The following CDH13 variants were observed in gnomAD, a reference collection of about 807,000 sequenced individuals.
The protein encoded by CDH13 is cadherin 13.
Under a neutral mutation model 63.8 loss-of-function variants are expected in CDH13, and 24 were observed. The ratio of observed to expected loss-of-function variants is 0.38; its 90% CI spans 0.27 to 0.53. CDH13 has a LOEUF of 0.53. Among genes scored for constraint, CDH13 ranks in the 20% least tolerant of loss-of-function variants. CDH13 has a pLI of 0.85. For synonymous variants in CDH13, 503 were observed against 355.3 expected (o/e 1.42, Z -4.67); for missense variants, 1,049 against 903.1 (o/e 1.16, Z -2.07).
chr16:82,693,212 T>A (rs1387681439), intron 1 of CDH13, among the ~76,000 whole-genome samples: 1 of 152,206 alleles, frequency 6.6e-6, no homozygotes, highest in Non-Finnish European at 1.5e-5. Context: ...TGAAGCACCT[T>A]GAAGCAGAGA....
chr16:83,213,533 AG>A (rs1447116365), intron 4 of CDH13, among the ~76,000 whole-genome samples: 2 of 152,130 alleles, frequency 1.3e-5, no homozygotes, highest in Non-Finnish European at 2.9e-5. Flanking sequence ...GGTCTTCACC[AG>A]CGGGGCCTGT....
intron 6 of CDH13, among the ~76,000 whole-genome samples, chr16:83,386,824 T>G (rs1232713613): frequency 6.6e-6 from 1 of 152,214 alleles, no homozygotes; most frequent in Non-Finnish European, 1.5e-5. Context: ...GTGATTCTCT[T>G]AGCCTTTTCT....
chr16:83,513,635 T>A (rs1018093032), intron 7 of CDH13, among the ~76,000 whole-genome samples: 1 of 152,098 alleles, frequency 6.6e-6, no homozygotes, highest in Non-Finnish European at 1.5e-5. Flanking sequence ...GGATAGCCCC[T>A]TATAAAACCG....
intron 4 of CDH13, among the ~76,000 whole-genome samples, chr16:83,190,520 C>G (rs1296646513): frequency 6.6e-6 from 1 of 152,122 alleles, no homozygotes; most frequent in Admixed American, 6.5e-5. Context: ...CCCTATGCCC[C>G]CATACTGTTC....
chr16:83,786,294 T>C (rs692612), intron 13 of CDH13, among the ~76,000 whole-genome samples: 109,132 of 152,040 alleles, frequency 0.72, 39,877 homozygotes, highest in South Asian at 0.79. Flanking sequence ...TGCCACTGTG[T>C]GATAAGAGCA....
At chr16:83,718,606 G>C (rs969439513) in intron 10 of CDH13, among the ~76,000 whole-genome samples, 1 of 152,034 alleles carries the variant, frequency 6.6e-6, no homozygotes. Context: ...AACCATCGAG[G>C]TGCCGGTGGG....
intron 2 of CDH13, among the ~76,000 whole-genome samples, chr16:82,974,177 G>A (rs1909175964): frequency 1.3e-5 from 2 of 152,180 alleles, no homozygotes; most frequent in African/African-American, 2.4e-5. Flanking sequence ...GACCTCAAGT[G>A]ATGCTCCCAC....
intron 6 of CDH13, among the ~76,000 whole-genome samples, chr16:83,364,185 G>T (rs2091215712): frequency 6.6e-6 from 1 of 152,094 alleles, no homozygotes; most frequent in African/African-American, 2.4e-5. Context: ...GTAGGAAATT[G>T]ACTATCTGGG....
At chr16:82,801,669 G>A (rs1201418726) in intron 1 of CDH13, among the ~76,000 whole-genome samples, 2 of 152,160 alleles carry the variant, frequency 1.3e-5, no homozygotes, top group Non-Finnish European at 2.9e-5. Context: ...ACAGGAACCT[G>A]GAAATGCTGG....
At chr16:83,310,165 G>T (rs1207637531) in intron 5 of CDH13, among the ~76,000 whole-genome samples, 1 of 152,048 alleles carries the variant, frequency 6.6e-6, no homozygotes, top group African/African-American at 2.4e-5. Flanking sequence ...CATCACAGAG[G>T]GTCAATTAAC....
At chr16:83,656,338 G>A (rs943050966) in intron 8 of CDH13, among the ~76,000 whole-genome samples, 1 of 152,290 alleles carries the variant, frequency 6.6e-6, no homozygotes, top group Admixed American at 6.5e-5. Context: ...ATTTGTTTTG[G>A]TGGAGTCGGG....
intron 8 of CDH13, among the ~76,000 whole-genome samples, chr16:83,654,329 G>A (rs111610388): frequency 5.3e-5 from 8 of 152,166 alleles, no homozygotes; most frequent in African/African-American, 1.9e-4. Flanking sequence ...CCCTCACGTG[G>A]TGGGGTTTAT....
intron 1 of CDH13, among the ~76,000 whole-genome samples, chr16:82,743,383 G>T (rs1163861022): frequency 6.6e-6 from 1 of 151,986 alleles, no homozygotes; most frequent in Non-Finnish European, 1.5e-5. Context: ...GCAGACCACG[G>T]CACCTGGCTA....
intron 2 of CDH13, among the ~76,000 whole-genome samples, chr16:82,914,742 T>C (rs901713371): frequency 5.3e-5 from 8 of 152,182 alleles, no homozygotes; most frequent in African/African-American, 1.9e-4. Context: ...CGTCCACAAC[T>C]CACAGGAGAG....
intron 4 of CDH13, among the ~76,000 whole-genome samples, chr16:83,203,661 C>CAAAAA (rs61444893): frequency 3.6e-5 from 3 of 84,112 alleles, no homozygotes; most frequent in African/African-American, 4.9e-5. Flanking sequence ...GACTCCATCT[C>CAAAAA]AAAAAAAAAA....
chr16:83,603,250 A>C (rs1271943130), intron 8 of CDH13, among the ~76,000 whole-genome samples: 3 of 152,242 alleles, frequency 2.0e-5, no homozygotes, highest in Non-Finnish European at 4.4e-5. Flanking sequence ...AAATGTGCTA[A>C]GATTGTGGCT....
chr16:83,664,096 G>C (rs772190102), intron 8 of CDH13, among the ~76,000 whole-genome samples: 4 of 152,100 alleles, frequency 2.6e-5, no homozygotes, highest in Non-Finnish European at 5.9e-5. Context: ...AGTCAAGGCT[G>C]CAGTGAGCCG....
chr16:82,939,298 C>T lies in CDH13; in HGVS notation c.157+80825C>T, dbSNP rs192309226. Reference sequence around the variant, plus strand: ...ATTAGCCAGGTGTGCTGGTGTGCACCTGTAGTTCCAGCTACTCAATAGGCT... The same window carrying T: ...ATTAGCCAGGTGTGCTGGTGTGCACTTGTAGTTCCAGCTACTCAATAGGCT... On this transcript the variant is annotated intron_variant, in intron 2 of 13. Transcript: ENST00000567109. 2.3e-3 allele frequency among the ~76,000 whole-genome samples: 355 copies of T among 152,218 alleles called. 1 individual carries two copies. The highest frequency in any genetic ancestry group is 7.6e-3 in the African/African-American group (314 of 41,536).
intron 5 of CDH13, among the ~76,000 whole-genome samples, chr16:83,323,239 T>TTTCTTTCTTTCTTTCTTTCC (rs1337850244): frequency 5.4e-5 from 6 of 110,858 alleles, no homozygotes; most frequent in Admixed American, 2.1e-4. Flanking sequence ...TCTTTCTTTC[T>TTTCTTTCTTTCTTTCTTTCC]TTCCTTCCTT....
Sources: gnomAD v4.1 joint callset for allele counts (sites outside exome capture counted in the v4.1 genomes callset) on GRCh38, gnomAD v4.1.1 for gene constraint, MANE v1.5 for transcripts, NCBI Gene and HGNC (gene_info 2026-07-23, HGNC 2026-07-21) for gene names.